The following KDM4B variants were observed in gnomAD, a reference collection of about 807,000 sequenced individuals.
The protein encoded by KDM4B is lysine demethylase 4B.
KDM4B carries 32 observed loss-of-function variants against 125.2 expected under a neutral mutation model. The ratio of observed to expected loss-of-function variants is 0.26; its 90% CI spans 0.19 to 0.34. The LOEUF is 0.34. Ranked by LOEUF, KDM4B falls within the 10% of genes least tolerant of loss-of-function variation. KDM4B has a pLI of 1.00. For synonymous variants in KDM4B, 721 were observed against 677.9 expected (o/e 1.06, Z -0.99); for missense variants, 1,190 against 1,577.7 (o/e 0.75, Z 4.16).
At chr19:5,038,441 C>A (rs995513929) in intron 3 of KDM4B, among the ~76,000 whole-genome samples, 1 of 152,192 alleles carries the variant, frequency 6.6e-6, no homozygotes, top group Non-Finnish European at 1.5e-5. Context: ...CAGAAAGAGC[C>A]GGCGCTAACC....
intron 1 of KDM4B, among the ~76,000 whole-genome samples, chr19:4,996,813 AC>A (rs1203637158): frequency 2.6e-5 from 4 of 152,144 alleles, no homozygotes; most frequent in African/African-American, 4.8e-5. Flanking sequence ...AAACAAAAAA[AC>A]AAACCCAAAG....
rs1266803821 is a variant in KDM4B at position 5,135,215 on chromosome 19, G to A, written c.2086-124G>A. On this transcript the variant is annotated intron_variant, in intron 14 of 22. Coordinates refer to ENST00000159111, the MANE Select transcript of KDM4B (RefSeq NM_015015.3). ...CCGAGGTGGCTCTGGCCATCTCCCC[G>A]ACCTCCCCCTCCAGAGCCAGGGGGT... 17 of 645,060 alleles carry A rather than the reference G, an allele frequency of 2.6e-5. No homozygotes were observed. In the East Asian group the frequency reaches 3.0e-4, roughly 11 times the overall value. The allele number at this position is 645,060 out of a possible 1,614,324, so 40.0% of individuals were successfully genotyped here.
chr19:5,146,041 C>T (rs375815435), intron 21 of KDM4B, among the ~76,000 whole-genome samples: 19 of 152,144 alleles, frequency 1.2e-4, no homozygotes, highest in Non-Finnish European at 2.1e-4. Context: ...CCCTACCCCC[C>T]GCCGTGCAGG....
chr19:5,131,026 G>A, intron 11 of KDM4B, 50 bp from the exon 12 acceptor site: 1 of 1,347,384 alleles, frequency 7.4e-7, no homozygotes. Context: ...CGTGGGACCA[G>A]CACTTGAGCC....
At chr19:5,144,705 C>G in intron 20 of KDM4B, 78 bp from the exon 21 acceptor site, 4 of 1,574,842 alleles carry the variant, frequency 2.5e-6, no homozygotes, top group Non-Finnish European at 3.4e-6. Context: ...CTTGCCAGCG[C>G]GGAGAGGGTC....
At chr19:5,066,528 A>T (rs951955618) in intron 6 of KDM4B, among the ~76,000 whole-genome samples, 1 of 151,698 alleles carries the variant, frequency 6.6e-6, no homozygotes, top group African/African-American at 2.4e-5. Context: ...TGTGTCCCCA[A>T]CTCCAGAGGG....
chr19:5,004,444 AC>A (rs1249393916), intron 1 of KDM4B, among the ~76,000 whole-genome samples: 2 of 151,592 alleles, frequency 1.3e-5, no homozygotes, highest in Non-Finnish European at 2.9e-5. Flanking sequence ...GGGCTCATAC[AC>A]CTCTACCCAC....
intron 6 of KDM4B, 127 bp from the exon 7 acceptor site, chr19:5,070,883 G>A (rs1474431127): frequency 1.6e-5 from 15 of 934,578 alleles, no homozygotes; most frequent in Non-Finnish European, 2.3e-5. Context: ...ACACAGTCCT[G>A]ACCATGACTC....
intron 5 of KDM4B, among the ~76,000 whole-genome samples, chr19:5,044,727 C>T (rs981452843): frequency 1.3e-5 from 2 of 152,048 alleles, no homozygotes; most frequent in African/African-American, 4.8e-5. Flanking sequence ...TAATGATCCC[C>T]TGAGCTCCCC....
At chr19:5,072,643 A>G (rs551444120) in intron 7 of KDM4B, among the ~76,000 whole-genome samples, 16 of 152,350 alleles carry the variant, frequency 1.1e-4, no homozygotes, top group African/African-American at 3.8e-4. Flanking sequence ...TTGAAGACAT[A>G]AGCTAAAGAA....
chr19:5,096,578 C>T (rs147509491), intron 9 of KDM4B, among the ~76,000 whole-genome samples: 2,297 of 152,280 alleles, frequency 0.015, 30 homozygotes, highest in Non-Finnish European at 0.022. Flanking sequence ...ACACTGGAGT[C>T]GCTGGTGACA....
chr19:5,019,064 ACGTTGGTGTG>A (rs2035980197), intron 2 of KDM4B, among the ~76,000 whole-genome samples: 1 of 73,296 alleles, frequency 1.4e-5, no homozygotes, highest in Non-Finnish European at 3.2e-5. Flanking sequence ...GTTGGTGTGG[ACGTTGGTGTG>A]CAGGTGCTGG....
At chr19:5,051,377 C>G (rs1439616936) in intron 6 of KDM4B, among the ~76,000 whole-genome samples, 1 of 152,378 alleles carries the variant, frequency 6.6e-6, no homozygotes, top group Admixed American at 6.5e-5. Context: ...GGCTTCGGGT[C>G]CCCTTTTGCC....
chr19:4,991,049 C>G (rs1412928899), intron 1 of KDM4B, among the ~76,000 whole-genome samples: 1 of 152,090 alleles, frequency 6.6e-6, no homozygotes, highest in Non-Finnish European at 1.5e-5. Flanking sequence ...ACCCAGGAGG[C>G]GGAGGATGCA....
Position 5,114,986 on chromosome 19 carries a change from C to T in KDM4B, c.1115+4168C>T, listed in dbSNP as rs2039227174. Among the ~76,000 whole-genome samples, 1 of 152,252 alleles carries T rather than the reference C, an allele frequency of 6.6e-6. No individual in the cohort carries two copies. Among genetic ancestry groups the T allele is most frequent in the African/African-American group, 2.4e-5 (1 of 41,462 alleles). On this transcript the variant is annotated intron_variant, in intron 10 of 22. Coordinates refer to ENST00000159111, the MANE Select transcript of KDM4B (RefSeq NM_015015.3). This position sits in a 1 kb window ranked among gnomAD's most constrained non-coding sequence, Gnocchi z 5.8. ...CAGGCTAAGTGCTTATTTATCTCCA[C>T]TCTCTCCTGAAACGCCACTGAAACA...
intron 6 of KDM4B, among the ~76,000 whole-genome samples, chr19:5,059,068 C>T (rs952456003): frequency 6.6e-5 from 10 of 152,226 alleles, no homozygotes; most frequent in African/African-American, 1.9e-4. Context: ...GAGGCTGGCC[C>T]TGACCCAGAG....
intron 7 of KDM4B, chr19:5,075,205 C>T (rs531912024): frequency 3.3e-5 from 5 of 152,460 alleles, no homozygotes; most frequent in East Asian, 1.9e-4. Context: ...AGGAAGTGCC[C>T]GAGATGAGGC....
chr19:4,994,596 C>T (rs1288769384), intron 1 of KDM4B, among the ~76,000 whole-genome samples: 2 of 143,554 alleles, frequency 1.4e-5, no homozygotes, highest in Admixed American at 7.1e-5. Context: ...AAAAAAGTGT[C>T]CCCTGAAGAC....
chr19:5,077,533 G>T, intron 8 of KDM4B, 63 bp downstream of exon 8: 1 of 1,361,816 alleles, frequency 7.3e-7, no homozygotes, highest in Non-Finnish European at 1.0e-6. Flanking sequence ...AGCCCAGGTG[G>T]CCGCACATAC....
Sources: gnomAD v4.1 joint callset for allele counts (sites outside exome capture counted in the v4.1 genomes callset) on GRCh38, gnomAD v4.1.1 for gene constraint, Gnocchi (gnomAD v3.1) non-coding constraint, MANE v1.5 for transcripts, NCBI Gene and HGNC (gene_info 2026-07-23, HGNC 2026-07-21) for gene names.